PCSK5: variants seen among roughly 807,000 people sequenced by gnomAD.
PCSK5 encodes the protein prohormone convertase 5.
A neutral mutation model predicts 233.2 loss-of-function variants in PCSK5; 129 were observed. The ratio of observed to expected loss-of-function variants is 0.55; its 90% CI spans 0.48 to 0.64. The LOEUF (loss-of-function observed/expected upper bound fraction) is 0.64. Ranked by LOEUF, PCSK5 falls within the 30% of genes least tolerant of loss-of-function variation. The probability of loss-of-function intolerance (pLI) is 0.00; values close to 1 mark genes in which losing one functional copy is unlikely to be tolerated. For synonymous variants in PCSK5, 825 were observed against 879.2 expected, an observed-to-expected ratio of 0.94 and a Z score of 1.09; for missense variants, 2,076 against 2,430.1, an observed-to-expected ratio of 0.85 and a Z score of 3.06.
At chr9:76,296,378 C>T (rs1828437870) in intron 26 of PCSK5, among the ~76,000 whole-genome samples, 1 of 152,134 alleles carries the variant, frequency 6.6e-6, no homozygotes, top group Admixed American at 6.6e-5. Context: ...GAAACCCCAT[C>T]TCTACTAAAA....
intron 8 of PCSK5, among the ~76,000 whole-genome samples, chr9:76,104,306 G>A (rs1175200413): frequency 6.6e-6 from 1 of 152,110 alleles, no homozygotes. Flanking sequence ...GATGAGAAGG[G>A]AGTGGGGATG....
intron 2 of PCSK5, among the ~76,000 whole-genome samples, chr9:75,934,521 C>T (rs1823959775): frequency 1.3e-5 from 2 of 151,350 alleles, no homozygotes; most frequent in South Asian, 4.2e-4. Context: ...TGCAGTGCTT[C>T]TCAGTGTTGG....
At chr9:76,214,045 C>T (rs1322127392) in intron 20 of PCSK5, among the ~76,000 whole-genome samples, 4 of 152,080 alleles carry the variant, frequency 2.6e-5, no homozygotes, top group Non-Finnish European at 5.9e-5. Context: ...AAGAGATGGC[C>T]CTGTCCTCGG....
At chr9:76,071,611 T>A (rs1201455836) in intron 6 of PCSK5, 115 bp from the exon 7 acceptor site, 16 of 818,232 alleles carry the variant, frequency 2.0e-5, no homozygotes, top group Non-Finnish European at 3.1e-5. Flanking sequence ...GAAGATATGC[T>A]CACTTAAGTG....
intron 32 of PCSK5, among the ~76,000 whole-genome samples, chr9:76,327,616 G>A (rs971475635): frequency 2.0e-5 from 3 of 152,016 alleles, no homozygotes; most frequent in Admixed American, 2.0e-4. Flanking sequence ...TAAGCTCAAG[G>A]TACTCCGGAG....
rs1199421671 is a variant in PCSK5 at position 76,310,804 on chromosome 9, C to T, written c.3837C>T (p.Gly1279=). Residue 1279 remains glycine (G), a synonymous_variant, in exon 30 of 38, where the codon GGC becomes GGT. Coordinates refer to ENST00000674117, the MANE Select transcript of PCSK5 (RefSeq NM_001372043.1). ...GCAAAAAATGCCAGATGCAGCCGGG[C>T]CACCCTCTCTTCCTCCATGAAGGCA... ...DLCKKCQMQP[G]HPLFLHEGRC... is the part of the protein sequence containing the mutation. 2 of 1,610,984 alleles carry T rather than the reference C, an allele frequency of 1.2e-6. No individual in the cohort carries two copies. The highest frequency in any genetic ancestry group is 1.7e-6 in the Non-Finnish European group (2 of 1,179,098).
intron 34 of PCSK5, among the ~76,000 whole-genome samples, chr9:76,333,322 G>A (rs1829588207): frequency 1.3e-5 from 2 of 152,076 alleles, no homozygotes; most frequent in Admixed American, 6.6e-5. Context: ...TAAAATTCAG[G>A]GTCTCACATT....
chr9:76,079,099 T>G (rs1830741280), intron 7 of PCSK5, among the ~76,000 whole-genome samples: 1 of 151,784 alleles, frequency 6.6e-6, no homozygotes. Context: ...GTGGATGGAT[T>G]GCATTTTTTT....
chr9:76,157,003 T>C (rs1822613850), intron 10 of PCSK5, 42 bp from the exon 11 acceptor site: 2 of 1,359,956 alleles, frequency 1.5e-6, no homozygotes, highest in Admixed American at 3.4e-5. Context: ...TAATTTGACC[T>C]ATGTAGCTTA....
At chr9:76,171,440 C>G (rs1032607823) in intron 13 of PCSK5, among the ~76,000 whole-genome samples, 1 of 152,184 alleles carries the variant, frequency 6.6e-6, no homozygotes, top group Non-Finnish European at 1.5e-5. Flanking sequence ...TGTTTTTGAG[C>G]ATTTTAAAGT....
chr9:76,283,563 CAA>C (rs1291807417), intron 24 of PCSK5, among the ~76,000 whole-genome samples: 1 of 152,188 alleles, frequency 6.6e-6, no homozygotes. Flanking sequence ...CACTGGGAAA[CAA>C]AAGAGTTTGT....
chr9:75,995,621 A>C (rs1207411834), intron 3 of PCSK5, among the ~76,000 whole-genome samples: 2 of 152,064 alleles, frequency 1.3e-5, no homozygotes, highest in African/African-American at 4.8e-5. Flanking sequence ...GTGTATTTAC[A>C]ACTGTCCTGC....
chr9:76,007,788 G>A (rs1029250844), intron 3 of PCSK5, among the ~76,000 whole-genome samples: 3 of 119,836 alleles, frequency 2.5e-5, no homozygotes, highest in Non-Finnish European at 3.6e-5. Flanking sequence ...CACCATGCCC[G>A]GCTAATTTTG....
chr9:76,077,146 G>A (rs181726660), intron 7 of PCSK5, among the ~76,000 whole-genome samples: 60 of 152,072 alleles, frequency 3.9e-4, no homozygotes, highest in African/African-American at 1.3e-3. Flanking sequence ...ATTTTATTTG[G>A]CACACCTGAC....
chr9:76,278,286 C>T (rs1417496566), intron 24 of PCSK5, among the ~76,000 whole-genome samples: 2 of 149,008 alleles, frequency 1.3e-5, no homozygotes, highest in Non-Finnish European at 3.0e-5. Flanking sequence ...GGAGATTATA[C>T]AAACATCTGC....
chr9:76,038,793 C>G (rs1828972607), intron 5 of PCSK5, among the ~76,000 whole-genome samples: 1 of 152,194 alleles, frequency 6.6e-6, no homozygotes, highest in Admixed American at 6.5e-5. Flanking sequence ...CTTTGTCACC[C>G]ATACACTGAA....
chr9:76,321,365 T>C (rs548296429), intron 30 of PCSK5, 57 bp from the exon 31 acceptor site: 127 of 919,698 alleles, frequency 1.4e-4, no homozygotes, highest in Admixed American at 5.2e-5. Flanking sequence ...TCCCCAGGAA[T>C]GAGTCACTTC....
chr9:76,179,843 T>A (rs904883090), intron 15 of PCSK5, 145 bp downstream of exon 15: 1 of 604,950 alleles, frequency 1.7e-6, no homozygotes, highest in African/African-American at 1.9e-5. Flanking sequence ...AAGAGGCTGC[T>A]GTGCAGGCCG....
chr9:75,952,880 G>A (rs1824929734), intron 2 of PCSK5, among the ~76,000 whole-genome samples: 1 of 152,050 alleles, frequency 6.6e-6, no homozygotes, highest in African/African-American at 2.4e-5. Flanking sequence ...AGAACAGTGG[G>A]GATTTGCACT....
Sources: allele counts gnomAD v4.1 joint callset (sites outside exome capture counted in the v4.1 genomes callset), GRCh38; gene constraint gnomAD v4.1.1; transcripts MANE v1.5; gene names NCBI Gene and HGNC (gene_info 2026-07-23, HGNC 2026-07-21).